RNASEH2B: variants seen among roughly 807,000 people sequenced by gnomAD.
The protein encoded by RNASEH2B is Aicardi-Goutieres syndrome 2 protein.
RNASEH2B carries 36 observed loss-of-function variants against 45.0 expected under a neutral mutation model. That is an observed-to-expected ratio of 0.80 (90% CI 0.61 to 1.06). The LOEUF is 1.06. Among genes scored for constraint, RNASEH2B ranks in the 50% least tolerant of loss-of-function variants. The probability of loss-of-function intolerance (pLI) is 0.00; values close to 1 mark genes in which losing one functional copy is unlikely to be tolerated. For synonymous variants in RNASEH2B, 119 were observed against 125.7 expected, an observed-to-expected ratio of 0.95 and a Z score of 0.35; for missense variants, 361 against 360.3, an observed-to-expected ratio of 1.00 and a Z score of -0.02.
chr13:50,945,549 A>T lies in RNASEH2B; in HGVS notation c.616+17A>T. The T allele has an allele frequency of 6.4e-7, 1 of 1,566,766 alleles. No homozygotes were observed. The highest frequency in any genetic ancestry group is 8.8e-7 in the Non-Finnish European group (1 of 1,137,306). ...ACAAGGAAGGTAAGTAAAGCATTTT[A>T]TCAGAAAAGATTTTTGTCTGGAGTA... On this transcript the variant is annotated intron_variant, in intron 7 of 10. Coordinates refer to ENST00000336617, the MANE Select transcript of RNASEH2B (RefSeq NM_024570.4).
Position 50,943,335 on chromosome 13 carries a change from GACA to G in RNASEH2B, c.456_458del (p.Asn152del). 1.9e-6 allele frequency: 3 copies of G among 1,592,570 alleles called. No individual in the cohort carries two copies. The highest frequency in any genetic ancestry group is 1.7e-6 in the Non-Finnish European group (2 of 1,162,412). Reference sequence around the variant, plus strand: ...TTTCTTTTAAGGTAATCCAGAAATAGACAACAAGAAATATTACAAGTACAGCAA... The same window carrying G: ...TTTCTTTTAAGGTAATCCAGAAATAGACAAGAAATATTACAAGTACAGCAA... On this transcript the variant is annotated inframe_deletion, in exon 6 of 11. Coordinates refer to ENST00000336617, the MANE Select transcript of RNASEH2B (RefSeq NM_024570.4).
chr13:50,916,128 C>A (rs556540520), intron 1 of RNASEH2B, among the ~76,000 whole-genome samples: 1 of 151,952 alleles, frequency 6.6e-6, no homozygotes, highest in South Asian at 2.1e-4. Context: ...GTCCATCATC[C>A]TCACCCAAAA....
chr13:50,919,724 G>A (rs956288231), intron 1 of RNASEH2B, among the ~76,000 whole-genome samples: 6 of 152,164 alleles, frequency 3.9e-5, no homozygotes, highest in African/African-American at 1.4e-4. Context: ...ATTGGCTCTG[G>A]ATAATAGTTG....
chr13:50,930,550 G>A, intron 3 of RNASEH2B, 133 bp from the exon 4 acceptor site: 1 of 747,674 alleles, frequency 1.3e-6, no homozygotes, highest in Non-Finnish European at 2.4e-6. Context: ...TCTGAGGCCT[G>A]TATAAGAAGA....
At chr13:50,969,979 C>T (rs908308831) in exon 10 of RNASEH2B, 9 of 1,551,388 alleles carry the variant, frequency 5.8e-6, no homozygotes, top group Admixed American at 3.9e-5. Context: ...GGTGGCTCCA[C>T]GCAAGGCTTG....
Position 50,918,262 on chromosome 13 carries a change from C to T in RNASEH2B, c.64+8122C>T, listed in dbSNP as rs183486887. On this transcript the variant is annotated intron_variant, in intron 1 of 10. Coordinates refer to ENST00000336617, the MANE Select transcript of RNASEH2B (RefSeq NM_024570.4). ...ACGCCATTCTCCTGCCTCAGCCTCC[C>T]GAGTAGCTGGGACTACAGGCACCCG... 4.6e-3 allele frequency among the ~76,000 whole-genome samples: 705 copies of T among 152,158 alleles called. 4 individuals carry two copies. The highest frequency in any genetic ancestry group is 7.1e-3 in the South Asian group (34 of 4,814).
chr13:50,930,068 C>T lies in RNASEH2B; in HGVS notation c.244+486C>T, dbSNP rs565724165. On this transcript the variant is annotated intron_variant, in intron 3 of 10. Coordinates refer to ENST00000336617, the MANE Select transcript of RNASEH2B (RefSeq NM_024570.4). ...ACATACACCCCCCAGCACCAAAGTT[C>T]TGTTTCTTGTGGTGTTCCCTTAATT... 7 of 215,662 alleles carry T rather than the reference C, an allele frequency of 3.2e-5. No homozygotes were observed. The South Asian group carries it at 5.2e-4, about 16-fold the overall frequency. 13.4% of individuals were successfully genotyped at this position (215,662 alleles called of 1,614,324 possible).
chr13:50,930,800 A>AATAGTTGATTCTGTT, intron 4 of RNASEH2B, 41 bp downstream of exon 4: 2 of 1,463,456 alleles, frequency 1.4e-6, no homozygotes, highest in Non-Finnish European at 1.9e-6. Context: ...AGGAAACAGA[A>AATAGTTGATTCTGTT]TCAACTATTT....
At chr13:50,944,005 C>T (rs774006841) in intron 6 of RNASEH2B, among the ~76,000 whole-genome samples, 4 of 107,966 alleles carry the variant, frequency 3.7e-5, no homozygotes, top group Admixed American at 1.1e-4. Flanking sequence ...CGGGACAGGA[C>T]GGGATGGGAT....
chr13:50,923,555 A>G (rs533227765), intron 1 of RNASEH2B, among the ~76,000 whole-genome samples: 1 of 152,202 alleles, frequency 6.6e-6, no homozygotes, highest in Non-Finnish European at 1.5e-5. Context: ...AGAGAGTCTC[A>G]ACAAAGAATT....
chr13:50,924,470 A>G (rs1230432732), intron 1 of RNASEH2B, among the ~76,000 whole-genome samples: 1 of 152,230 alleles, frequency 6.6e-6, no homozygotes, highest in Non-Finnish European at 1.5e-5. Flanking sequence ...AGATATCATA[A>G]TTATAACATA....
chr13:50,911,155 A>G (rs1034038308), intron 1 of RNASEH2B: 9 of 152,256 alleles, frequency 5.9e-5, no homozygotes, highest in Admixed American at 2.0e-4. Context: ...ACTGTTTCCA[A>G]TAACGCCTCA....
intron 5 of RNASEH2B, among the ~76,000 whole-genome samples, chr13:50,940,593 G>T (rs559308296): frequency 6.6e-6 from 1 of 152,272 alleles, no homozygotes; most frequent in East Asian, 1.9e-4. Flanking sequence ...GTGAGCACTG[G>T]CTCTGAGGTT....
intron 1 of RNASEH2B, among the ~76,000 whole-genome samples, chr13:50,922,376 G>T (rs571008394): frequency 6.6e-6 from 1 of 152,336 alleles, no homozygotes; most frequent in Admixed American, 6.5e-5. Context: ...GAGGGCCTCA[G>T]TGTCTCACCT....
intron 7 of RNASEH2B, among the ~76,000 whole-genome samples, chr13:50,946,317 G>A (rs1039518846): frequency 2.6e-5 from 4 of 152,170 alleles, no homozygotes; most frequent in Admixed American, 2.0e-4. Flanking sequence ...GTATACATAT[G>A]GCTTTAGTCA....
intron 9 of RNASEH2B, among the ~76,000 whole-genome samples, chr13:50,969,286 A>G (rs1250941918): frequency 6.6e-6 from 1 of 152,196 alleles, no homozygotes; most frequent in African/African-American, 2.4e-5. Flanking sequence ...ATTCTGGCAT[A>G]GAAGTTTGAT....
At chr13:50,953,831 T>G in intron 9 of RNASEH2B, 74 bp from the exon 10 acceptor site, 2 of 1,001,938 alleles carry the variant, frequency 2.0e-6, no homozygotes, top group South Asian at 1.3e-5. Flanking sequence ...ATTATACATG[T>G]TGGGTTTTTT....
chr13:50,923,653 C>T (rs1319633503), intron 1 of RNASEH2B, among the ~76,000 whole-genome samples: 2 of 152,136 alleles, frequency 1.3e-5, no homozygotes. Flanking sequence ...ACTAGCAGAC[C>T]TGTCCCACAA....
intron 1 of RNASEH2B, among the ~76,000 whole-genome samples, chr13:50,914,204 A>C (rs1160107493): frequency 1.3e-5 from 2 of 152,246 alleles, no homozygotes; most frequent in African/African-American, 4.8e-5. Flanking sequence ...GTGACACTAA[A>C]AAACACTCTT....
Sources: gnomAD v4.1 joint callset for allele counts (sites outside exome capture counted in the v4.1 genomes callset) on GRCh38, gnomAD v4.1.1 for gene constraint, MANE v1.5 for transcripts, NCBI Gene and HGNC (gene_info 2026-07-23, HGNC 2026-07-21) for gene names.